OR11H6: variants seen among roughly 807,000 people sequenced by gnomAD.
OR11H6 encodes olfactory receptor 11H6.
Under a neutral mutation model 9.2 loss-of-function variants are expected in OR11H6, and 4 were observed. The observed-to-expected ratio is 0.44, with a 90% CI of 0.21 to 1.00. OR11H6 has a LOEUF of 1.00. Ranked by LOEUF, OR11H6 falls within the 50% of genes least tolerant of loss-of-function variation. OR11H6 has a pLI of 0.26. For synonymous variants in OR11H6, 136 were observed against 148.9 expected (o/e 0.91, Z 0.63); for missense variants, 381 against 390.9 (o/e 0.97, Z 0.21).
rs746003730 is a variant in OR11H6 at position 20,224,681 on chromosome 14, G to T, written c.972G>T (p.Gly324=). 3 of 1,601,082 alleles carry T rather than the reference G, an allele frequency of 1.9e-6. No individual in the cohort carries two copies. The African/African-American group carries it at 4.0e-5, about 22-fold the overall frequency. ...AAGATGCTCTAAAGAGAGTCCTGGG[G>T]TTAACAGTTAGCCAAAACTGAGATA... ...DMKDALKRVL[G]LTVSQN is the part of the protein sequence containing the mutation. The change falls in exon 1 of 1, where the codon GGG becomes GGT. Residue 324 remains glycine, a synonymous_variant. Transcript: ENST00000315519.
rs1363486826 is a variant in OR11H6 at position 20,224,503 on chromosome 14, T to C, written c.794T>C (p.Val265Ala). 1 of 1,614,042 alleles carries C rather than the reference T, an allele frequency of 6.2e-7. No individual in the cohort carries two copies. Among genetic ancestry groups the C allele is most frequent in the East Asian group, 2.2e-5 (1 of 44,882 alleles). ...TCCACATGTGGGTCCCACCTAATGG[T>C]GGTGTCTCTATTCTATGGAACCCTT... ...AFSTCGSHLMVVSLFYGTLMV... is the reference protein window; with the variant it reads ...AFSTCGSHLMAVSLFYGTLMV... Residue 265 changes from valine to alanine, a missense_variant, in exon 1 of 1, where the codon GTG (valine) becomes GCG (alanine). Transcript: ENST00000315519.
Sources: gnomAD v4.1 joint callset for allele counts on GRCh38, gnomAD v4.1.1 for gene constraint, MANE v1.5 for transcripts, NCBI Gene and HGNC (gene_info 2026-07-23, HGNC 2026-07-21) for gene names.